The following IQCM variants were observed in gnomAD, a reference collection of about 807,000 sequenced individuals.
IQCM encodes the protein IQ motif containing M.
Under a neutral mutation model 57.6 loss-of-function variants are expected in IQCM, and 45 were observed. The observed-to-expected ratio is 0.78, with a 90% confidence interval of 0.62 to 1.00. The LOEUF is 1.00. Among genes scored for constraint, IQCM ranks in the 50% least tolerant of loss-of-function variants. IQCM has a pLI of 0.00. For synonymous variants in IQCM, 148 were observed against 158.9 expected, an observed-to-expected ratio of 0.93 and a Z score of 0.51; for missense variants, 468 against 511.6, an observed-to-expected ratio of 0.91 and a Z score of 0.82.
intron 12 of IQCM, among the ~76,000 whole-genome samples, chr4:149,535,456 G>A (rs549624965): frequency 6.0e-4 from 91 of 151,974 alleles, no homozygotes; most frequent in Admixed American, 1.2e-3. Flanking sequence ...GTGGCTCTCC[G>A]CATGTTACGA....
intron 7 of IQCM, among the ~76,000 whole-genome samples, chr4:149,678,600 T>C (rs1249444100): frequency 6.6e-6 from 1 of 151,394 alleles, no homozygotes; most frequent in East Asian, 1.9e-4. Context: ...TAAAACCCAC[T>C]GGTAAAATTA....
At chr4:149,354,219 C>A (rs1027033049) in intron 13 of IQCM, among the ~76,000 whole-genome samples, 1 of 148,612 alleles carries the variant, frequency 6.7e-6, no homozygotes, top group African/African-American at 2.5e-5. Context: ...AAAAAATTAG[C>A]CGGGCGTAGT....
chr4:149,474,505 C>T (rs959811824), intron 12 of IQCM, among the ~76,000 whole-genome samples: 28 of 148,178 alleles, frequency 1.9e-4, no homozygotes, highest in African/African-American at 6.2e-4. Flanking sequence ...GTCAGGAGTT[C>T]GAGACAAGTC....
chr4:149,790,208 C>A (rs116681105), intron 2 of IQCM: 8,602 of 343,254 alleles, frequency 0.025, 175 homozygotes, highest in South Asian at 0.035. Context: ...ATATTGAACA[C>A]AAAACTTGCA....
chr4:149,665,889 G>A (rs765212001), intron 7 of IQCM, among the ~76,000 whole-genome samples: 4 of 152,064 alleles, frequency 2.6e-5, no homozygotes, highest in Admixed American at 6.6e-5. Context: ...TTTCTCCCAC[G>A]CTGGACACTT....
intron 2 of IQCM, among the ~76,000 whole-genome samples, chr4:149,764,680 A>C (rs550349470): frequency 6.6e-6 from 1 of 152,236 alleles, no homozygotes; most frequent in East Asian, 1.9e-4. Context: ...CAGAGGACAA[A>C]GGGAAAGTTT....
At chr4:149,692,081 T>C (rs1054921177) in intron 5 of IQCM, among the ~76,000 whole-genome samples, 4 of 152,144 alleles carry the variant, frequency 2.6e-5, no homozygotes, top group African/African-American at 4.8e-5. Context: ...TTTGAGGACA[T>C]GTAATTAGAC....
intron 7 of IQCM, among the ~76,000 whole-genome samples, chr4:149,661,986 G>C (rs1051035237): frequency 2.0e-5 from 3 of 151,562 alleles, no homozygotes; most frequent in Admixed American, 1.3e-4. Context: ...ACCAATTTTA[G>C]GTTTAGTTTT....
intron 7 of IQCM, among the ~76,000 whole-genome samples, chr4:149,667,688 G>T (rs1310033775): frequency 6.6e-6 from 1 of 151,822 alleles, no homozygotes; most frequent in Non-Finnish European, 1.5e-5. Flanking sequence ...CTTGATAAAA[G>T]GTTACAGGAA....
At chr4:149,406,110 C>T (rs1009176526) in intron 13 of IQCM, among the ~76,000 whole-genome samples, 3 of 151,704 alleles carry the variant, frequency 2.0e-5, no homozygotes, top group Non-Finnish European at 4.4e-5. Context: ...AAGTTTGCTT[C>T]CTTGAAGAAA....
intron 4 of IQCM, among the ~76,000 whole-genome samples, chr4:149,734,597 A>T (rs75226909): frequency 0.023 from 3,557 of 152,228 alleles, 122 homozygotes; most frequent in African/African-American, 0.081. Context: ...AATTTTGTTT[A>T]AAAAAATTTT....
At chr4:149,619,940 T>G (rs1485020088) in intron 8 of IQCM, among the ~76,000 whole-genome samples, 1 of 152,030 alleles carries the variant, frequency 6.6e-6, no homozygotes, top group Non-Finnish European at 1.5e-5. Flanking sequence ...GCAGATCACC[T>G]AAGGTCAGGA....
chr4:149,484,099 T>C (rs1267071342), intron 12 of IQCM, among the ~76,000 whole-genome samples: 1 of 152,056 alleles, frequency 6.6e-6, no homozygotes. Flanking sequence ...GATATAGGTA[T>C]AGCTACTCCT....
At position 149,671,117 on chromosome 4, in the gene IQCM, G is replaced by A. The variant is rs542750740; in HGVS notation, c.565+11001C>T. On this transcript the variant is annotated intron_variant, in intron 7 of 13. Transcript: ENST00000636793. ...TTTGACTGTGAATCCATCTGGTCCTGGACTCTTTTTGGTTGGTAGGCTATT... is the reference window on the plus strand; with the variant it reads ...TTTGACTGTGAATCCATCTGGTCCTAGACTCTTTTTGGTTGGTAGGCTATT... Among the ~76,000 whole-genome samples, 4 of 152,100 alleles carry A rather than the reference G, an allele frequency of 2.6e-5. No homozygotes were observed. In the East Asian group the frequency reaches 7.8e-4, roughly 30 times the overall value.
At chr4:149,766,845 T>G (rs10025221) in intron 2 of IQCM, among the ~76,000 whole-genome samples, 76,256 of 151,850 alleles carry the variant, frequency 0.5, 22,578 homozygotes, top group African/African-American at 0.81. Context: ...TCTCAGGCTT[T>G]CAGGTTAAAA....
intron 12 of IQCM, among the ~76,000 whole-genome samples, chr4:149,515,169 A>G (rs527760785): frequency 5.3e-5 from 8 of 151,288 alleles, no homozygotes; most frequent in African/African-American, 1.7e-4. Context: ...AGGCCCTGCC[A>G]TCTTTTGGAG....
rs1554045606 is a variant in IQCM, at chr4:149,812,505, C to CACAG, written c.-49+2805_-49+2806insCTGT. On this transcript the variant is annotated intron_variant, in intron 2 of 13. Transcript: ENST00000636793. ...TCACACACACACACACACACACAGA[C>CACAG]ACACACACACACACACACACACACT... Among the ~76,000 whole-genome samples the CACAG allele has an allele frequency of 2.7e-3, 309 of 114,658 alleles. 3 individuals carry two copies. The highest frequency in any genetic ancestry group is 8.3e-3 in the African/African-American group (213 of 25,628). 75.2% of individuals were successfully genotyped at this position (114,658 alleles called of 152,430 possible). A position where few individuals can be genotyped will look rare whatever the true frequency, so the allele number is the denominator to read the frequency against.
intron 9 of IQCM, among the ~76,000 whole-genome samples, chr4:149,575,782 T>G (rs928238157): frequency 1.3e-5 from 2 of 151,852 alleles, no homozygotes; most frequent in African/African-American, 4.8e-5. Flanking sequence ...TTAGAACATT[T>G]CAGGTAGTAA....
At chr4:149,443,548 T>C (rs772430854) in intron 12 of IQCM, among the ~76,000 whole-genome samples, 4 of 151,780 alleles carry the variant, frequency 2.6e-5, no homozygotes, top group Non-Finnish European at 5.9e-5. Context: ...TCTCAGAAAA[T>C]ATAGCACCTA....
Sources: allele counts gnomAD v4.1 joint callset (sites outside exome capture counted in the v4.1 genomes callset), GRCh38; gene constraint gnomAD v4.1.1; transcripts MANE v1.5; gene names NCBI Gene and HGNC (gene_info 2026-07-23, HGNC 2026-07-21).